The following PHLDB1 variants were observed in gnomAD, a reference collection of about 807,000 sequenced individuals.
PHLDB1 encodes the protein pleckstrin homology-like domain family B member 1.
PHLDB1 carries 65 observed loss-of-function variants against 139.3 expected under a neutral mutation model. The ratio of observed to expected loss-of-function variants is 0.47; its 90% CI spans 0.38 to 0.57. The LOEUF is 0.57. PHLDB1 is among the 20% of genes least tolerant of loss of function. The pLI is 0.00. For synonymous variants in PHLDB1, 679 were observed against 734.5 expected, an observed-to-expected ratio of 0.92 and a Z score of 1.22; for missense variants, 1,624 against 1,839.7, an observed-to-expected ratio of 0.88 and a Z score of 2.14.
At position 118,627,696 on chromosome 11, in the gene PHLDB1, C is replaced by T. The variant is rs1944106621; in HGVS notation, c.873C>T (p.Ser291=). 3.1e-6 allele frequency: 5 copies of T among 1,610,684 alleles called. No homozygotes were observed. The highest frequency in any genetic ancestry group is 2.5e-6 in the Non-Finnish European group (3 of 1,180,004). Residue 291 remains serine (S), a synonymous_variant, in exon 6 of 23, where the codon AGC becomes AGT. Coordinates refer to ENST00000600882, the MANE Select transcript of PHLDB1 (RefSeq NM_001144758.3). ...VPPLVPARSS[S]YHLALQPPQS... is the part of the protein sequence containing the mutation. ...CGCTGGTACCTGCCCGTTCCTCCAG[C>T]TACCATCTGGCCCTACAGCCCCCAC...
upstream of PHLDB1, among the ~76,000 whole-genome samples, chr11:118,606,866 C>T (rs1555079652): frequency 6.6e-6 from 1 of 152,194 alleles, no homozygotes; most frequent in African/African-American, 2.4e-5. Context: ...ATCTGTAATC[C>T]AGCAAGTCTG....
At chr11:118,607,788 AG>A (rs1939408763) in intron 1 of PHLDB1, 89 bp downstream of exon 1, 1 of 151,290 alleles carries the variant, frequency 6.6e-6, no homozygotes, top group Non-Finnish European at 1.5e-5. Context: ...GCCTGGCGAG[AG>A]CCCTGAGATC....
Position 118,631,531 on chromosome 11 carries a change from G to A in PHLDB1, c.2100+52G>A, listed in dbSNP as rs540497996. ...AGAGGCTGAAGTTGGACCTGCTGGG[G>A]GCAGAGGAGGCTGGTGTATCCAATG... On this transcript the variant is annotated intron_variant, in intron 7 of 22. Coordinates refer to ENST00000600882, the MANE Select transcript of PHLDB1 (RefSeq NM_001144758.3). The A allele has an allele frequency of 7.2e-6, 10 of 1,381,836 alleles. No homozygotes were observed. In the East Asian group the frequency reaches 2.1e-4, roughly 29 times the overall value. 85.6% of individuals were successfully genotyped at this position (1,381,836 alleles called of 1,614,324 possible). A position where few individuals can be genotyped will look rare whatever the true frequency, so the allele number is the denominator to read the frequency against.
In PHLDB1 at chr11:118,645,950, G is replaced by A. The variant is rs1323838958; in HGVS notation, c.3507+125G>A. On this transcript the variant is annotated intron_variant, in intron 17 of 22. Transcript: ENST00000600882. This position sits in a 1 kb window ranked among gnomAD's most constrained non-coding sequence, Gnocchi z 5.1. Reference sequence around the variant, plus strand: ...ATTAGCCTTGCCACATTCCCTTGGGGTAGAAAATGTTTTAAAAGGTTGTAT... The same window carrying A: ...ATTAGCCTTGCCACATTCCCTTGGGATAGAAAATGTTTTAAAAGGTTGTAT... The A allele has an allele frequency of 2.8e-6, 2 of 724,670 alleles. No homozygotes were observed. The highest frequency in any genetic ancestry group is 3.5e-5 in the African/African-American group (2 of 57,554). The allele number at this position is 724,670 out of a possible 1,614,324, so 44.9% of individuals were successfully genotyped here. A position where few individuals can be genotyped will look rare whatever the true frequency, so the allele number is the denominator to read the frequency against.
Position 118,648,102 on chromosome 11 carries a change from T to A in PHLDB1, c.3654+26T>A, listed in dbSNP as rs189072717. On this transcript the variant is annotated intron_variant, in intron 18 of 22. Transcript: ENST00000600882. The stretch of plus-strand genomic sequence containing the variant: ...GTGAATGGGCAGTGGGGCACAGTGG[T>A]GGTTGGTTTGACGGTGAGGGCTGTA... 6.2e-6 allele frequency: 10 copies of A among 1,608,678 alleles called. No individual in the cohort carries two copies. In the East Asian group the frequency reaches 2.2e-4, roughly 36 times the overall value.
In PHLDB1 at chr11:118,639,247, A is replaced by G; in HGVS notation, c.2732A>G (p.Lys911Arg). 3 of 1,612,462 alleles carry G rather than the reference A, an allele frequency of 1.9e-6. No individual in the cohort carries two copies. Among genetic ancestry groups the G allele is most frequent in the East Asian group, 4.5e-5 (2 of 44,874 alleles). ...RPFPKTTSTL[K>R]EMEKLLLPAV... is the part of the protein sequence containing the mutation. ...TTCCCGAAGACCACATCGACCCTCA[A>G]AGAGGTATCATGATTGGATTAGCCC... Residue 911 changes from lysine to arginine, a missense_variant, in exon 12 of 23, where the codon AAA (lysine) becomes AGA (arginine). Coordinates refer to ENST00000600882, the MANE Select transcript of PHLDB1 (RefSeq NM_001144758.3).
rs143675309 is a variant in PHLDB1, at chr11:118,644,112, G to A, written c.3059G>A (p.Arg1020His). 2.2e-4 allele frequency: 358 copies of A among 1,613,706 alleles called. No homozygotes were observed. Among genetic ancestry groups the A allele is most frequent in the Non-Finnish European group, 2.7e-4 (324 of 1,179,944 alleles). Residue 1020 changes from arginine to histidine, a missense_variant, in exon 15 of 23, where the codon CGC (arginine) becomes CAC (histidine). Transcript: ENST00000600882. ...LTQNGTGSLP[R>H]NLAATLQDIE... Reference sequence around the variant, plus strand: ...CAGAATGGCACGGGCAGCCTTCCTCGCAACCTGGCAGCCACACTGCAGGAC... The same window carrying A: ...CAGAATGGCACGGGCAGCCTTCCTCACAACCTGGCAGCCACACTGCAGGAC...
At chr11:118,619,586 C>T (rs868947600) in intron 4 of PHLDB1, among the ~76,000 whole-genome samples, 2 of 152,208 alleles carry the variant, frequency 1.3e-5, no homozygotes, top group Non-Finnish European at 2.9e-5. Flanking sequence ...TTCTCATTGG[C>T]GGGCATCCTC....
Position 118,610,424 on chromosome 11 carries a change from G to T in PHLDB1, c.-22+2725G>T, listed in dbSNP as rs1288390747. ...CTCGAGGGCGGATGTGCGCCTGGAG[G>T]GCGAAGGCGGCGGCCGAGAGGACCC... On this transcript the variant is annotated intron_variant, in intron 1 of 22. Coordinates refer to ENST00000600882, the MANE Select transcript of PHLDB1 (RefSeq NM_001144758.3). The surrounding 1 kb of genome is among the most constrained non-coding windows in gnomAD (Gnocchi z 8.7). 3 of 984,986 alleles carry T rather than the reference G, an allele frequency of 3.0e-6. No homozygotes were observed. The highest frequency in any genetic ancestry group is 3.6e-6 in the Non-Finnish European group (3 of 829,616). 61.0% of individuals were successfully genotyped at this position (984,986 alleles called of 1,614,324 possible).
At position 118,618,390 on chromosome 11, in the gene PHLDB1, G is replaced by A. The variant is rs532156417; in HGVS notation, c.355+2179G>A. On this transcript the variant is annotated intron_variant, in intron 4 of 22. Transcript: ENST00000600882. ...GGAGCAAGGCACCAAGCCCAGCCCTGCCTGGCCCCACTCCGGACATTCTTG... is the reference window on the plus strand; with the variant it reads ...GGAGCAAGGCACCAAGCCCAGCCCTACCTGGCCCCACTCCGGACATTCTTG... 2.7e-3 allele frequency among the ~76,000 whole-genome samples: 411 copies of A among 152,198 alleles called. 2 individuals carry two copies. Among genetic ancestry groups the A allele is most frequent in the African/African-American group, 9.5e-3 (394 of 41,518 alleles).
Position 118,608,995 on chromosome 11 carries a change from C to T in PHLDB1, c.-22+1296C>T, listed in dbSNP as rs542159957. 1.5e-3 allele frequency among the ~76,000 whole-genome samples: 221 copies of T among 151,196 alleles called. No homozygotes were observed. The highest frequency in any genetic ancestry group is 5.1e-3 in the African/African-American group (209 of 41,070). On this transcript the variant is annotated intron_variant, in intron 1 of 22. Coordinates refer to ENST00000600882, the MANE Select transcript of PHLDB1 (RefSeq NM_001144758.3). The surrounding 1 kb of genome is among the most constrained non-coding windows in gnomAD (Gnocchi z 6.7). ...GCCCCAGCTCACACACGAAGCCCAG[C>T]TCACACACGCAGCCCCAGCTCTCAC...
At chr11:118,642,813 T>G (rs1946798448) in intron 13 of PHLDB1, among the ~76,000 whole-genome samples, 1 of 152,222 alleles carries the variant, frequency 6.6e-6, no homozygotes, top group Admixed American at 6.5e-5. Context: ...ACTGCCAGTA[T>G]TTTGTTCTCC....
Position 118,642,318 on chromosome 11 carries a change from T to C in PHLDB1, c.2801T>C (p.Leu934Pro). Residue 934 changes from leucine to proline, a missense_variant, in exon 13 of 23, where the codon CTG becomes CCG. Leu to Pro is a moderately conservative substitution (Grantham distance 98). Transcript: ENST00000600882. ...TGGTACCAGGAGCTGATGGCCGGGCTGGGGACTGGCCCCGCTGCAGCCTCC... is the reference window on the plus strand; with the variant it reads ...TGGTACCAGGAGCTGATGGCCGGGCCGGGGACTGGCCCCGCTGCAGCCTCC... ...EQWYQELMAG[L>P]GTGPAAASPH... The C allele has an allele frequency of 6.2e-7, 1 of 1,612,672 alleles. No homozygotes were observed. Among genetic ancestry groups the C allele is most frequent in the Non-Finnish European group, 8.5e-7 (1 of 1,179,786 alleles).
chr11:118,621,906 C>A (rs1485450755), intron 4 of PHLDB1, among the ~76,000 whole-genome samples: 3 of 152,186 alleles, frequency 2.0e-5, no homozygotes, highest in Non-Finnish European at 2.9e-5. Context: ...CCCATATTCC[C>A]TTCACTCGGT....
intron 1 of PHLDB1, among the ~76,000 whole-genome samples, chr11:118,612,561 T>G (rs1359202437): frequency 6.6e-6 from 1 of 152,188 alleles, no homozygotes; most frequent in Admixed American, 6.5e-5. Context: ...CCTGGCAGTC[T>G]TGGGGTGGGC....
Position 118,627,442 on chromosome 11 carries a change from G to C in PHLDB1, c.619G>C (p.Glu207Gln). 6.2e-7 allele frequency: 1 copy of C among 1,614,214 alleles called. No individual in the cohort carries two copies. Among genetic ancestry groups the C allele is most frequent in the Non-Finnish European group, 8.5e-7 (1 of 1,180,030 alleles). The change falls in exon 6 of 23, where the codon GAG (glutamate) becomes CAG (glutamine). Residue 207 changes from glutamate (E) to glutamine (Q), a missense_variant. Glu to Gln is a conservative substitution (Grantham distance 29). Transcript: ENST00000600882. ...AGAGATCATGGACTCACTGGTGCTA[G>C]AGGAGCCTGGAGCTGCTGGCAAGAA... Reference protein sequence around the residue: ...LQEIMDSLVLEEPGAAGKKPA... With the variant: ...LQEIMDSLVLQEPGAAGKKPA...
intron 10 of PHLDB1, chr11:118,636,857 T>A (rs1344616978): frequency 6.6e-6 from 1 of 152,144 alleles, no homozygotes; most frequent in Non-Finnish European, 1.5e-5. Flanking sequence ...CTGGTGAGTA[T>A]AAGCTCCAGG....
At position 118,613,525 on chromosome 11, in the gene PHLDB1, G is replaced by C. The variant is rs145237311; in HGVS notation, c.-21-291G>C. The C allele has an allele frequency of 9.7e-6, 9 of 929,072 alleles. No homozygotes were observed. In the East Asian group the frequency reaches 6.5e-4, roughly 68 times the overall value. 57.6% of individuals were successfully genotyped at this position (929,072 alleles called of 1,614,324 possible). ...GCTGTCAAAACCCGGGTTCTGAGTAGCATAGGGCAAGAAAGCACAGAAGTA... is the reference window on the plus strand; with the variant it reads ...GCTGTCAAAACCCGGGTTCTGAGTACCATAGGGCAAGAAAGCACAGAAGTA... On this transcript the variant is annotated intron_variant, in intron 1 of 22. Transcript: ENST00000600882.
Position 118,635,533 on chromosome 11 carries a change from C to T in PHLDB1, c.2520C>T (p.Ser840=), listed in dbSNP as rs1945502149. Residue 840 remains serine, a synonymous_variant, in exon 10 of 23, where the codon AGC becomes AGT. Transcript: ENST00000600882. The part of the protein sequence containing the change: ...LLRSKAELLR[S]IAKRKERLAI... ...GGAGCAAGGCTGAGCTGCTCCGCAG[C>T]ATCGCCAAGAGGAAGGTGTGCCCCA... is the stretch of plus-strand genomic sequence containing the variant. 6 of 1,559,336 alleles carry T rather than the reference C, an allele frequency of 3.8e-6. No homozygotes were observed. The highest frequency in any genetic ancestry group is 3.5e-6 in the Non-Finnish European group (4 of 1,153,842).
Sources: gnomAD v4.1 joint callset for allele counts (sites outside exome capture counted in the v4.1 genomes callset) on GRCh38, gnomAD v4.1.1 for gene constraint, Gnocchi (gnomAD v3.1) non-coding constraint, MANE v1.5 for transcripts, NCBI Gene and HGNC (gene_info 2026-07-23, HGNC 2026-07-21) for gene names.